KLF8: variants seen among roughly 807,000 people sequenced by gnomAD.
The protein encoded by KLF8 is Krueppel-like factor 8.
A neutral mutation model predicts 18.2 loss-of-function variants in KLF8; 10 were observed. That is an observed-to-expected ratio of 0.55 (90% CI 0.34 to 0.93). The LOEUF (loss-of-function observed/expected upper bound fraction) is 0.93. Ranked by LOEUF, KLF8 falls within the 40% of genes least tolerant of loss-of-function variation. The probability of loss-of-function intolerance (pLI) is 0.02; values close to 1 mark genes in which losing one functional copy is unlikely to be tolerated. For synonymous variants in KLF8, 109 were observed against 97.3 expected (o/e 1.12, Z -0.71); for missense variants, 264 against 277.9 (o/e 0.95, Z 0.36).
the KLF8 span, among the ~76,000 whole-genome samples, chrX:55,986,720 C>T: frequency 0.24 from 26,891 of 110,918 alleles, 2,594 homozygotes; most frequent in Middle Eastern, 0.45. Context: ...TTTAGGTTCA[C>T]AGAGTTAATG....
At chrX:56,236,612 C>T (rs754696985) in intron 1 of KLF8, among the ~76,000 whole-genome samples, 1 of 111,227 alleles carries the variant, frequency 9.0e-6, no homozygotes, top group Non-Finnish European at 1.9e-5. Flanking sequence ...AAAGCTCACA[C>T]GTGTTTTGTT....
At chrX:56,050,859 A>G in the KLF8 span, among the ~76,000 whole-genome samples, 4 of 109,432 alleles carry the variant, frequency 3.7e-5, no homozygotes, top group Non-Finnish European at 7.6e-5. Flanking sequence ...TCTAATGTTG[A>G]CAGTGGGGTG....
At chrX:55,926,997 A>T in the KLF8 span, among the ~76,000 whole-genome samples, 1 of 111,735 alleles carries the variant, frequency 8.9e-6, no homozygotes, top group African/African-American at 3.3e-5. Context: ...CTGAAGTACA[A>T]AGCAGACAGT....
the KLF8 span, among the ~76,000 whole-genome samples, chrX:56,214,393 A>G: frequency 1.8e-5 from 2 of 112,124 alleles, no homozygotes; most frequent in Admixed American, 9.4e-5. Context: ...CAATTATATG[A>G]CATAATGTTA....
chrX:56,144,657 G>A, the KLF8 span, among the ~76,000 whole-genome samples: 1 of 104,737 alleles, frequency 9.5e-6, no homozygotes, highest in East Asian at 3.1e-4. Context: ...CGAGGCTGAG[G>A]CAGGAGAATC....
At chrX:56,085,544 A>T in the KLF8 span, among the ~76,000 whole-genome samples, 4 of 112,206 alleles carry the variant, frequency 3.6e-5, no homozygotes, top group African/African-American at 6.5e-5. Context: ...CACCTATATT[A>T]GTTGGACAGA....
intron 3 of KLF8, chrX:56,267,211 A>G: frequency 1.3e-6 from 1 of 751,202 alleles, no homozygotes; most frequent in Non-Finnish European, 1.6e-6. Context: ...AGCTAAGGGC[A>G]TTGGCCCAAT....
the KLF8 span, among the ~76,000 whole-genome samples, chrX:56,081,075 T>C: frequency 2.7e-5 from 3 of 111,547 alleles, no homozygotes; most frequent in East Asian, 8.4e-4. Flanking sequence ...AGTTTTCATC[T>C]TCTTTGCCTT....
At chrX:55,908,806 T>A in the KLF8 span, 4 of 242,944 alleles carry the variant, frequency 1.6e-5, no homozygotes, top group East Asian at 2.5e-4. Context: ...CGAAAGTAAG[T>A]TCCTTTTATT....
intron 2 of KLF8, among the ~76,000 whole-genome samples, chrX:56,255,216 T>C (rs2066774303): frequency 8.9e-6 from 1 of 112,807 alleles, no homozygotes; most frequent in Non-Finnish European, 1.9e-5. Flanking sequence ...TTTCAGATTG[T>C]TCACTGTTGA....
the KLF8 span, among the ~76,000 whole-genome samples, chrX:56,167,420 C>T: frequency 8.9e-6 from 1 of 112,168 alleles, no homozygotes; most frequent in East Asian, 2.8e-4. Context: ...CAAGCCACCA[C>T]GCCTGGCCCA....
the KLF8 span, among the ~76,000 whole-genome samples, chrX:56,145,632 T>A: frequency 8.9e-6 from 1 of 112,367 alleles, no homozygotes; most frequent in African/African-American, 3.2e-5. Flanking sequence ...TATAGAGGAA[T>A]GAAATACTGT....
the KLF8 span, among the ~76,000 whole-genome samples, chrX:56,221,819 C>T: frequency 1.8e-5 from 2 of 111,719 alleles, no homozygotes; most frequent in African/African-American, 6.5e-5. Context: ...AACAAACCTT[C>T]CACAGTTTGG....
chrX:55,936,964 C>T, the KLF8 span, among the ~76,000 whole-genome samples: 11 of 112,172 alleles, frequency 9.8e-5, no homozygotes, highest in East Asian at 1.7e-3. Context: ...CACAGACAAA[C>T]GAAATGCAGC....
chrX:56,010,235 G>T, the KLF8 span, among the ~76,000 whole-genome samples: 5 of 111,669 alleles, frequency 4.5e-5, no homozygotes, highest in East Asian at 8.5e-4. Flanking sequence ...ACCTACAAAT[G>T]GAAGCCCATC....
the KLF8 span, among the ~76,000 whole-genome samples, chrX:56,071,665 A>T: frequency 9.0e-6 from 1 of 111,621 alleles, no homozygotes; most frequent in Non-Finnish European, 1.9e-5. Context: ...TCCCAGGATC[A>T]ACACTAGAGT....
chrX:55,960,163 A>G, the KLF8 span, among the ~76,000 whole-genome samples: 2 of 112,409 alleles, frequency 1.8e-5, no homozygotes, highest in Non-Finnish European at 3.8e-5. Context: ...AAGTGGAGAA[A>G]TAAGATTCTT....
the KLF8 span, among the ~76,000 whole-genome samples, chrX:56,043,162 G>T: frequency 9.0e-6 from 1 of 110,749 alleles, no homozygotes; most frequent in African/African-American, 3.3e-5. Context: ...TTTCCAGCTT[G>T]TAGGGTTTCC....
At chrX:56,011,058 T>A in the KLF8 span, among the ~76,000 whole-genome samples, 1 of 111,955 alleles carries the variant, frequency 8.9e-6, no homozygotes, top group African/African-American at 3.2e-5. Context: ...ATTAGACAGA[T>A]CATTGAGTCA....
Sources: allele counts gnomAD v4.1 joint callset (sites outside exome capture counted in the v4.1 genomes callset), GRCh38; gene constraint gnomAD v4.1.1; transcripts MANE v1.5; gene names NCBI Gene and HGNC (gene_info 2026-07-23, HGNC 2026-07-21).